The following TMEM26 variants were observed in gnomAD, a reference collection of about 807,000 sequenced individuals.
TMEM26 encodes transmembrane protein 26.
A neutral mutation model predicts 28.8 loss-of-function variants in TMEM26; 38 were observed. That is an observed-to-expected ratio of 1.32 (90% CI 1.02 to 1.73). The LOEUF is 1.73. TMEM26 is among the 40% of genes most tolerant of loss of function. The pLI, the probability that TMEM26 is intolerant of heterozygous loss-of-function variation, is 0.00. For missense variants in TMEM26, 518 were observed against 447.1 expected, an observed-to-expected ratio of 1.16 and a Z score of -1.43; for synonymous variants, 227 against 182.9, an observed-to-expected ratio of 1.24 and a Z score of -1.95.
chr10:61,452,602 G>C (rs890013798), intron 1 of TMEM26: 3 of 382,394 alleles, frequency 7.8e-6, no homozygotes, highest in Non-Finnish European at 4.9e-6. Context: ...CAGCAAAATA[G>C]ACCAGCGCTT....
intron 1 of TMEM26, among the ~76,000 whole-genome samples, chr10:61,443,335 T>G (rs1308903008): frequency 2.0e-5 from 3 of 148,260 alleles, no homozygotes; most frequent in African/African-American, 5.0e-5. Flanking sequence ...TGTGGCGGCG[T>G]GCGCCTGTAG....
chr10:61,438,406 A>G (rs1037711622), intron 1 of TMEM26, among the ~76,000 whole-genome samples: 6 of 152,212 alleles, frequency 3.9e-5, no homozygotes, highest in Admixed American at 6.5e-5. Context: ...GAGGGACAGT[A>G]GGAATATGCA....
At chr10:61,441,201 A>G (rs1313336942) in intron 1 of TMEM26, among the ~76,000 whole-genome samples, 1 of 152,086 alleles carries the variant, frequency 6.6e-6, no homozygotes, top group African/African-American at 2.4e-5. Flanking sequence ...GCATGTGATG[A>G]GCTCGCCACA....
At chr10:61,443,718 A>T (rs929082249) in intron 1 of TMEM26, among the ~76,000 whole-genome samples, 1 of 152,210 alleles carries the variant, frequency 6.6e-6, no homozygotes, top group African/African-American at 2.4e-5. Flanking sequence ...ATTTAAAAAA[A>T]GTCATATTCC....
intron 2 of TMEM26, among the ~76,000 whole-genome samples, chr10:61,433,114 A>G (rs1157708232): frequency 6.6e-6 from 1 of 152,186 alleles, no homozygotes. Flanking sequence ...ATACTTAAAC[A>G]TCTTGTTATT....
At chr10:61,437,765 C>T (rs1298710126) in intron 1 of TMEM26, among the ~76,000 whole-genome samples, 2 of 152,162 alleles carry the variant, frequency 1.3e-5, no homozygotes, top group African/African-American at 2.4e-5. Flanking sequence ...GCCTGGGCAA[C>T]AGAGCAAGAC....
intron 4 of TMEM26, among the ~76,000 whole-genome samples, chr10:61,416,955 G>A (rs1479731590): frequency 3.3e-5 from 5 of 152,050 alleles, no homozygotes; most frequent in Non-Finnish European, 7.4e-5. Flanking sequence ...AAATACGGAA[G>A]AATGTGGGTG....
At chr10:61,412,836 G>T in intron 5 of TMEM26, 2 of 718,860 alleles carry the variant, frequency 2.8e-6, no homozygotes, top group Non-Finnish European at 4.1e-6. Context: ...GAACAATGCA[G>T]CCCTAGATTA....
chr10:61,412,992 C>A, intron 5 of TMEM26: 1 of 1,260,954 alleles, frequency 7.9e-7, no homozygotes. Context: ...AGTTCTAATA[C>A]ATGGGTCTGA....
At position 61,444,500 on chromosome 10, in the gene TMEM26, G is replaced by T. The variant is rs533678789; in HGVS notation, c.192-8252C>A. Among the ~76,000 whole-genome samples, 235 of 151,938 alleles carry T rather than the reference G, an allele frequency of 1.5e-3. 1 individual carries two copies. Among genetic ancestry groups the T allele is most frequent in the African/African-American group, 5.5e-3 (228 of 41,430 alleles). Reference sequence around the variant, plus strand: ...ATTTTCCCCCTTTTCTCCCTTTTATGTCCTGTTTTGGTTTTACAAGAATGT... The same window carrying T: ...ATTTTCCCCCTTTTCTCCCTTTTATTTCCTGTTTTGGTTTTACAAGAATGT... On this transcript the variant is annotated intron_variant, in intron 1 of 5. Transcript: ENST00000399298.
Position 61,446,817 on chromosome 10 carries a change from C to CAAAAAAAAAAA in TMEM26, c.191+6063_191+6073dup, listed in dbSNP as rs34030340. Among the ~76,000 whole-genome samples, 22 of 33,948 alleles carry CAAAAAAAAAAA rather than the reference C, an allele frequency of 6.5e-4. 3 individuals are homozygous for CAAAAAAAAAAA. Among genetic ancestry groups the CAAAAAAAAAAA allele is most frequent in the Admixed American group, 1.2e-3 (2 of 1,682 alleles). The allele number at this position is 33,948 out of a possible 152,430, so 22.3% of individuals were successfully genotyped here. A position where few individuals can be genotyped will look rare whatever the true frequency, so the allele number is the denominator to read the frequency against. On this transcript the variant is annotated intron_variant, in intron 1 of 5. Transcript: ENST00000399298. ...CTGGCGACAGAGCGAGACTCCATCT[C>CAAAAAAAAAAA]AAAAAAAAAAAAAAAAAAAAAAAAA...
At position 61,423,257 on chromosome 10, in the gene TMEM26, T is replaced by G. The variant is rs1839777426; in HGVS notation, c.605+5669A>C. On this transcript the variant is annotated intron_variant, in intron 4 of 5. Transcript: ENST00000399298. ...GGTCCAGATAGCTCCCTAGGTGAAT[T>G]CTATAAAATATTTAAAGAAGAAATA... Among the ~76,000 whole-genome samples the G allele has an allele frequency of 2.0e-5, 3 of 152,160 alleles. No individual in the cohort carries two copies. The South Asian group carries it at 6.2e-4, about 32-fold the overall frequency.
At chr10:61,447,755 C>G (rs951520060) in intron 1 of TMEM26, among the ~76,000 whole-genome samples, 1 of 152,118 alleles carries the variant, frequency 6.6e-6, no homozygotes, top group East Asian at 1.9e-4. Flanking sequence ...CTCCCCATGC[C>G]TGGCTGGCTC....
At chr10:61,412,306 G>A (rs1008939290) in intron 5 of TMEM26, among the ~76,000 whole-genome samples, 3 of 151,932 alleles carry the variant, frequency 2.0e-5, no homozygotes, top group Non-Finnish European at 4.4e-5. Flanking sequence ...AAGTGATTCC[G>A]TTTTTGGCAT....
At chr10:61,413,369 A>C (rs1279718504) in intron 5 of TMEM26, 90 bp downstream of exon 5, 1 of 1,535,770 alleles carries the variant, frequency 6.5e-7, no homozygotes, top group African/African-American at 1.4e-5. Flanking sequence ...CAGACATGAT[A>C]ATCCTTTCAC....
intron 1 of TMEM26, among the ~76,000 whole-genome samples, chr10:61,445,514 T>C (rs1840165407): frequency 6.6e-6 from 1 of 152,166 alleles, no homozygotes; most frequent in Non-Finnish European, 1.5e-5. Context: ...AGATAAAATA[T>C]AACCCATCTC....
Position 61,408,499 on chromosome 10 carries a change from T to G in TMEM26, c.*1823A>C, listed in dbSNP as rs371991645. The G allele has an allele frequency of 3.9e-5, 6 of 152,302 alleles. No homozygotes were observed. The East Asian group carries it at 5.8e-4, about 15-fold the overall frequency. The allele number at this position is 152,302 out of a possible 1,614,324, so 9.4% of individuals were successfully genotyped here. A position where few individuals can be genotyped will look rare whatever the true frequency, so the allele number is the denominator to read the frequency against. On this transcript the variant is annotated 3_prime_UTR_variant, in exon 6 of 6. Coordinates refer to ENST00000399298, the MANE Select transcript of TMEM26 (RefSeq NM_178505.8). ...AAGTATGCCATGAGCAAATCTGCAA[T>G]AATAAGCAGCACATACATGTTGTGG... is the stretch of plus-strand genomic sequence containing the variant.
At chr10:61,449,005 G>T (rs1840231203) in intron 1 of TMEM26, among the ~76,000 whole-genome samples, 1 of 152,048 alleles carries the variant, frequency 6.6e-6, no homozygotes, top group Non-Finnish European at 1.5e-5. Flanking sequence ...ACTTTTATTT[G>T]ACTTTACCTA....
rs558021039 is a variant in TMEM26, at chr10:61,410,236, C to A, written c.*86G>T. The A allele has an allele frequency of 5.1e-6, 7 of 1,371,884 alleles. No individual in the cohort carries two copies. The highest frequency in any genetic ancestry group is 5.9e-6 in the Non-Finnish European group (6 of 1,015,238). 85.0% of individuals were successfully genotyped at this position (1,371,884 alleles called of 1,614,324 possible). On this transcript the variant is annotated 3_prime_UTR_variant, in exon 6 of 6. Transcript: ENST00000399298. ...TGTTGTTCTTTTGAAAATTATTATA[C>A]GCCAAGGTTGGAGGAGAAAAAGGAT...
Sources: allele counts gnomAD v4.1 joint callset (sites outside exome capture counted in the v4.1 genomes callset), GRCh38; gene constraint gnomAD v4.1.1; transcripts MANE v1.5; gene names NCBI Gene and HGNC (gene_info 2026-07-23, HGNC 2026-07-21).